NSMCE1: variants seen among roughly 807,000 people sequenced by gnomAD.
The protein encoded by NSMCE1 is non-structural maintenance of chromosomes element 1 homolog.
In NSMCE1, 18 loss-of-function variants were observed where a neutral mutation model predicts 29.6. That is an observed-to-expected ratio of 0.61 (90% confidence interval 0.42 to 0.90). The LOEUF (loss-of-function observed/expected upper bound fraction) is 0.90, where lower values mean the gene tolerates loss of function less well. Among genes scored for constraint, NSMCE1 ranks in the 40% least tolerant of loss-of-function variants. The pLI is 0.00. For synonymous variants in NSMCE1, 124 were observed against 133.4 expected (o/e 0.93, Z 0.49); for missense variants, 314 against 343.6 (o/e 0.91, Z 0.68).
chr16:27,250,399 G>A (rs1237893304), intron 2 of NSMCE1, among the ~76,000 whole-genome samples: 4 of 152,114 alleles, frequency 2.6e-5, no homozygotes, highest in Non-Finnish European at 4.4e-5. Context: ...CCTTTATCAG[G>A]TTAAGGAAGT....
chr16:27,260,905 A>T (rs2084149229), intron 1 of NSMCE1, among the ~76,000 whole-genome samples: 1 of 147,952 alleles, frequency 6.8e-6, no homozygotes, highest in South Asian at 2.2e-4. Flanking sequence ...GGTGGCTCAC[A>T]CCTATAATCC....
At chr16:27,266,959 T>C (rs79108527) in intron 1 of NSMCE1, among the ~76,000 whole-genome samples, 1,543 of 152,026 alleles carry the variant, frequency 0.01, 18 homozygotes, top group Middle Eastern at 0.017. Context: ...GGGAGAAAAA[T>C]TGGTTTTAAT....
At chr16:27,257,023 C>G (rs922605242) in intron 2 of NSMCE1, among the ~76,000 whole-genome samples, 1 of 152,186 alleles carries the variant, frequency 6.6e-6, no homozygotes, top group Middle Eastern at 3.2e-3. Context: ...CCAAGCTGCC[C>G]TGTGTCCATC....
intron 2 of NSMCE1, among the ~76,000 whole-genome samples, chr16:27,248,178 G>C (rs1236450175): frequency 1.3e-5 from 2 of 152,062 alleles, no homozygotes; most frequent in African/African-American, 4.8e-5. Flanking sequence ...GCCTTTGTGC[G>C]GGCATATAGC....
intron 7 of NSMCE1, 35 bp downstream of exon 7, chr16:27,225,691 C>T (rs1340050955): frequency 1.2e-6 from 2 of 1,612,672 alleles, no homozygotes; most frequent in East Asian, 2.2e-5. Flanking sequence ...CCTGCTGGCC[C>T]AGCCCCTCCC....
At chr16:27,230,133 G>A (rs546722285) in intron 5 of NSMCE1, among the ~76,000 whole-genome samples, 4 of 152,206 alleles carry the variant, frequency 2.6e-5, no homozygotes, top group Non-Finnish European at 5.9e-5. Context: ...CATGAGCCGC[G>A]CTTGCTCTCA....
intron 6 of NSMCE1, chr16:27,226,328 A>G (rs1567270661): frequency 4.4e-6 from 1 of 229,694 alleles, no homozygotes; most frequent in South Asian, 7.6e-5. Flanking sequence ...AGACACATCA[A>G]TGTCCACGCT....
intron 4 of NSMCE1, 69 bp downstream of exon 4, chr16:27,234,119 G>T: frequency 9.9e-7 from 1 of 1,012,238 alleles, no homozygotes; most frequent in Non-Finnish European, 1.6e-6. Context: ...AGTTGCCACT[G>T]CTAATGACGG....
intron 2 of NSMCE1, among the ~76,000 whole-genome samples, chr16:27,254,338 A>C (rs2073475317): frequency 6.6e-6 from 1 of 152,238 alleles, no homozygotes; most frequent in South Asian, 2.1e-4. Flanking sequence ...GAAATGGTAC[A>C]CAGTGTGAAG....
At chr16:27,242,191 CAACA>C (rs549516306) in intron 2 of NSMCE1, among the ~76,000 whole-genome samples, 56 of 152,142 alleles carry the variant, frequency 3.7e-4, no homozygotes, top group Non-Finnish European at 5.9e-4. Flanking sequence ...CTTCAGTGCT[CAACA>C]ATCATATAAC....
chr16:27,263,697 T>G (rs993330519), intron 1 of NSMCE1, among the ~76,000 whole-genome samples: 4 of 152,212 alleles, frequency 2.6e-5, no homozygotes, highest in African/African-American at 9.7e-5. Context: ...AACCTAAGTT[T>G]TTTTAAAAAA....
chr16:27,256,254 A>C (rs1403842351), intron 2 of NSMCE1, among the ~76,000 whole-genome samples: 1 of 152,234 alleles, frequency 6.6e-6, no homozygotes, highest in Non-Finnish European at 1.5e-5. Context: ...ATTCCCATTC[A>C]TCAGAGGTGA....
rs565123115 is a variant in NSMCE1 at position 27,250,747 on chromosome 16, G to A, written c.136+6688C>T. ...GGCGGAGGTTGTAGCGAGCTGAGAT[G>A]GCACCACTGCACTCCAGCCTGGGAG... On this transcript the variant is annotated intron_variant, in intron 2 of 7. Transcript: ENST00000361439. 2.0e-5 allele frequency among the ~76,000 whole-genome samples: 3 copies of A among 151,314 alleles called. No individual in the cohort carries two copies. The East Asian group carries it at 5.8e-4, about 29-fold the overall frequency.
intron 2 of NSMCE1, among the ~76,000 whole-genome samples, chr16:27,242,049 G>A (rs2083901472): frequency 6.6e-6 from 1 of 152,068 alleles, no homozygotes; most frequent in African/African-American, 2.4e-5. Context: ...GGGTAAGCAG[G>A]TACAAACATA....
intron 1 of NSMCE1, among the ~76,000 whole-genome samples, chr16:27,263,843 T>C (rs1312387741): frequency 6.6e-6 from 1 of 152,162 alleles, no homozygotes; most frequent in East Asian, 1.9e-4. Context: ...GCAGCAAACA[T>C]CATACTGAAA....
At chr16:27,256,304 C>A (rs927201957) in intron 2 of NSMCE1, among the ~76,000 whole-genome samples, 13 of 152,174 alleles carry the variant, frequency 8.5e-5, no homozygotes, top group African/African-American at 3.1e-4. Flanking sequence ...TGTTGTTAGG[C>A]TAATAATGTC....
chr16:27,251,177 TATATATATATATAA>T (rs1316898838), intron 2 of NSMCE1, among the ~76,000 whole-genome samples: 99 of 52,112 alleles, frequency 1.9e-3, no homozygotes, highest in African/African-American at 7.0e-3. Flanking sequence ...TATATATATA[TATATATATATATAA>T]ATATATATAT....
At chr16:27,262,572 C>T (rs950049289) in intron 1 of NSMCE1, among the ~76,000 whole-genome samples, 5 of 152,176 alleles carry the variant, frequency 3.3e-5, no homozygotes, top group Admixed American at 6.5e-5. Flanking sequence ...CCCTTCCTTA[C>T]AGCACATACA....
rs763614645 is a variant in NSMCE1, at chr16:27,225,769, C to A, written c.678G>T (p.Pro226=). 7.4e-6 allele frequency: 12 copies of A among 1,614,154 alleles called. No homozygotes were observed. Among genetic ancestry groups the A allele is most frequent in the African/African-American group, 1.3e-5 (1 of 75,046 alleles). The change falls in exon 7 of 8, where the codon CCG becomes CCT. Residue 226 remains proline (P), a synonymous_variant. Transcript: ENST00000361439. ...VAKYFQSNAE[P]RCPHCNDYWP... ...AGTAGTCGTTGCAGTGGGGGCAGCG[C>A]GGTTCAGCATTCGACTGGAAGTACT...
Sources: allele counts gnomAD v4.1 joint callset (sites outside exome capture counted in the v4.1 genomes callset), GRCh38; gene constraint gnomAD v4.1.1; transcripts MANE v1.5; gene names NCBI Gene and HGNC (gene_info 2026-07-23, HGNC 2026-07-21).